HOMER1: variants seen among roughly 807,000 people sequenced by gnomAD.
The protein encoded by HOMER1 is homer protein homolog 1.
A neutral mutation model predicts 48.9 loss-of-function variants in HOMER1; 3 were observed. The ratio of observed to expected loss-of-function variants is 0.06; its 90% CI spans 0.03 to 0.16. The LOEUF (loss-of-function observed/expected upper bound fraction) is 0.16, where lower values mean the gene tolerates loss of function less well. Ranked by LOEUF, HOMER1 falls within the 10% of genes least tolerant of loss-of-function variation. The pLI is 1.00. For missense variants in HOMER1, 247 were observed against 411.4 expected, an observed-to-expected ratio of 0.60 and a Z score of 3.46; for synonymous variants, 134 against 146.4, an observed-to-expected ratio of 0.92 and a Z score of 0.61.
chr5:79,463,245 C>A (rs1751364950), intron 1 of HOMER1, among the ~76,000 whole-genome samples: 1 of 152,120 alleles, frequency 6.6e-6, no homozygotes, highest in Non-Finnish European at 1.5e-5. Context: ...CCCATTCTTG[C>A]CAGAAGTTGG....
At position 79,392,412 on chromosome 5, in the gene HOMER1, G is replaced by A. The variant is rs540722971; in HGVS notation, c.876+4411C>T. 1.3e-4 allele frequency among the ~76,000 whole-genome samples: 20 copies of A among 152,204 alleles called. No individual in the cohort carries two copies. The South Asian group carries it at 4.1e-3, about 32-fold the overall frequency. ...GGCATCAGCTAATATGTGTGTTTGT[G>A]TCTTCGTTTTTTAAAAGAAGTTTAA... On this transcript the variant is annotated intron_variant, in intron 8 of 8. Transcript: ENST00000334082.
chr5:79,493,616 C>T (rs889011535), intron 1 of HOMER1, among the ~76,000 whole-genome samples: 1 of 152,202 alleles, frequency 6.6e-6, no homozygotes, highest in Non-Finnish European at 1.5e-5. Flanking sequence ...CTATTCATAT[C>T]CTTTCCTTCG....
chr5:79,373,375 C>A lies in HOMER1; in HGVS notation c.*2634G>T, dbSNP rs1369507732. On this transcript the variant is annotated 3_prime_UTR_variant, in exon 9 of 9. Coordinates refer to ENST00000334082, the MANE Select transcript of HOMER1 (RefSeq NM_004272.5). Reference sequence around the variant, plus strand: ...CATATTAACTTATACACAATGGGATCAACCTCCTCCTCCATGTCGCTTCAA... The same window carrying A: ...CATATTAACTTATACACAATGGGATAAACCTCCTCCTCCATGTCGCTTCAA... 1 of 151,600 alleles carries A rather than the reference C, an allele frequency of 6.6e-6. No homozygotes were observed. The highest frequency in any genetic ancestry group is 6.6e-5 in the Admixed American group (1 of 15,218). 9.4% of individuals were successfully genotyped at this position (151,600 alleles called of 1,614,324 possible). A position where few individuals can be genotyped will look rare whatever the true frequency, so the allele number is the denominator to read the frequency against.
chr5:79,433,610 T>C (rs1750484791), intron 5 of HOMER1, among the ~76,000 whole-genome samples: 1 of 152,168 alleles, frequency 6.6e-6, no homozygotes, highest in Non-Finnish European at 1.5e-5. Flanking sequence ...CTTCCTTTTG[T>C]ATTTTAGTTT....
At chr5:79,430,843 A>AGT (rs1750401782) in intron 5 of HOMER1, among the ~76,000 whole-genome samples, 1 of 151,814 alleles carries the variant, frequency 6.6e-6, no homozygotes, top group African/African-American at 2.4e-5. Flanking sequence ...AAGCTGAGGC[A>AGT]GGAGAATTGC....
intron 1 of HOMER1, among the ~76,000 whole-genome samples, chr5:79,511,513 G>A (rs993940035): frequency 2.6e-5 from 4 of 152,168 alleles, no homozygotes; most frequent in African/African-American, 9.7e-5. Context: ...CAGAGGTCAA[G>A]TAATTTGCCT....
chr5:79,383,500 C>T (rs1266184206), intron 8 of HOMER1, among the ~76,000 whole-genome samples: 1 of 151,968 alleles, frequency 6.6e-6, no homozygotes, highest in Non-Finnish European at 1.5e-5. Flanking sequence ...ATTTTCCTGC[C>T]TCAGCCTCCT....
At chr5:79,500,957 CAGACAG>C (rs1406375861) in intron 1 of HOMER1, among the ~76,000 whole-genome samples, 196 of 62,682 alleles carry the variant, frequency 3.1e-3, no homozygotes, top group African/African-American at 0.014. Flanking sequence ...GTGTGTGAGA[CAGACAG>C]ACACACACAC....
Position 79,385,869 on chromosome 5 carries a change from C to T in HOMER1, c.877-9672G>A, listed in dbSNP as rs554233779. On this transcript the variant is annotated intron_variant, in intron 8 of 8. Transcript: ENST00000334082. ...AAAAAAAAAAAAAAAAAAAAAAAAGCTATCATCTTACTGCAATTACAATGG... is the reference window on the plus strand; with the variant it reads ...AAAAAAAAAAAAAAAAAAAAAAAAGTTATCATCTTACTGCAATTACAATGG... 9.0e-5 allele frequency among the ~76,000 whole-genome samples: 10 copies of T among 111,528 alleles called. No individual in the cohort carries two copies. In the East Asian group the frequency reaches 2.2e-3, roughly 24 times the overall value. 73.2% of individuals were successfully genotyped at this position (111,528 alleles called of 152,430 possible). A position where few individuals can be genotyped will look rare whatever the true frequency, so the allele number is the denominator to read the frequency against.
At chr5:79,434,940 T>A (rs1750533590) in intron 5 of HOMER1, among the ~76,000 whole-genome samples, 1 of 152,180 alleles carries the variant, frequency 6.6e-6, no homozygotes, top group Admixed American at 6.5e-5. Context: ...AGTCCAAAAG[T>A]AATTTTAGAA....
chr5:79,394,193 C>T (rs554301794), intron 8 of HOMER1, among the ~76,000 whole-genome samples: 1 of 152,270 alleles, frequency 6.6e-6, no homozygotes, highest in South Asian at 2.1e-4. Flanking sequence ...TTTCTATCCA[C>T]ATTCAACTCT....
At chr5:79,447,819 A>C (rs1750924933) in intron 3 of HOMER1, among the ~76,000 whole-genome samples, 2 of 152,166 alleles carry the variant, frequency 1.3e-5, no homozygotes, top group Non-Finnish European at 2.9e-5. Context: ...TCCTGGCCAC[A>C]AAGAATATCT....
Position 79,490,781 on chromosome 5 carries a change from CA to C in HOMER1, c.5+21988del, listed in dbSNP as rs201000735. Among the ~76,000 whole-genome samples the C allele has an allele frequency of 4.8e-3, 613 of 127,742 alleles. 7 individuals carry two copies. In the East Asian group the frequency reaches 0.053, roughly 11 times the overall value. The allele number at this position is 127,742 out of a possible 152,430, so 83.8% of individuals were successfully genotyped here. ...ACCCCATCTCTACCAAAAAAAAAAA[CA>C]AAAAAAAAAACCATAAAAAAATTAG... On this transcript the variant is annotated intron_variant, in intron 1 of 8. Transcript: ENST00000334082.
intron 1 of HOMER1, among the ~76,000 whole-genome samples, chr5:79,474,502 C>A (rs753306856): frequency 5.9e-5 from 9 of 152,234 alleles, no homozygotes; most frequent in Non-Finnish European, 1.2e-4. Context: ...ATAAAATAAA[C>A]TCCCATTGGA....
At chr5:79,379,098 ATATATATATATATAT>A (rs1748861521) in intron 8 of HOMER1, among the ~76,000 whole-genome samples, 1 of 60,952 alleles carries the variant, frequency 1.6e-5, no homozygotes, top group African/African-American at 1.0e-4. Flanking sequence ...ATATATATAT[ATATATATATATATAT>A]AAAATATATA....
chr5:79,385,431 T>A (rs1298050283), intron 8 of HOMER1, among the ~76,000 whole-genome samples: 1 of 152,014 alleles, frequency 6.6e-6, no homozygotes, highest in Non-Finnish European at 1.5e-5. Context: ...CACTAAAAAA[T>A]GGGCAAAGGA....
In HOMER1 at chr5:79,374,725, C is replaced by T. The variant is rs1748715774; in HGVS notation, c.*1284G>A. ...ACTTGGCTTACTTTTAAAATAGCTT[C>T]GTAAAAGAAATATATCATATAAAGA... On this transcript the variant is annotated 3_prime_UTR_variant, in exon 9 of 9. Coordinates refer to ENST00000334082, the MANE Select transcript of HOMER1 (RefSeq NM_004272.5). The T allele has an allele frequency of 6.6e-6, 1 of 151,924 alleles. No homozygotes were observed. Among genetic ancestry groups the T allele is most frequent in the South Asian group, 2.1e-4 (1 of 4,822 alleles). The allele number at this position is 151,924 out of a possible 1,614,324, so 9.4% of individuals were successfully genotyped here.
chr5:79,417,243 C>T (rs960026479), intron 5 of HOMER1, among the ~76,000 whole-genome samples: 4 of 151,826 alleles, frequency 2.6e-5, no homozygotes, highest in East Asian at 1.9e-4. Flanking sequence ...CCCGGGTTCA[C>T]GCCATTCTCC....
At chr5:79,404,625 G>C (rs886132092) in intron 5 of HOMER1, among the ~76,000 whole-genome samples, 3 of 152,208 alleles carry the variant, frequency 2.0e-5, no homozygotes, top group African/African-American at 7.2e-5. Context: ...GGACAGCAAA[G>C]ATAACAGAAC....
Sources: gnomAD v4.1 joint callset for allele counts (sites outside exome capture counted in the v4.1 genomes callset) on GRCh38, gnomAD v4.1.1 for gene constraint, MANE v1.5 for transcripts, NCBI Gene and HGNC (gene_info 2026-07-23, HGNC 2026-07-21) for gene names.